The following MPRIP variants were observed in gnomAD, a reference collection of about 807,000 sequenced individuals.
MPRIP encodes the protein myosin phosphatase Rho interacting protein, also known as myosin phosphatase Rho-interacting protein.
MPRIP carries 59 observed loss-of-function variants against 234.9 expected under a neutral mutation model. The observed-to-expected ratio is 0.25, with a 90% confidence interval of 0.20 to 0.31. The LOEUF is 0.31. Among genes scored for constraint, MPRIP ranks in the 10% least tolerant of loss-of-function variants. The pLI, the probability that MPRIP is intolerant of heterozygous loss-of-function variation, is 1.00. For synonymous variants in MPRIP, 1,144 were observed against 1,263.9 expected (o/e 0.91, Z 2.01); for missense variants, 2,436 against 3,071.0 (o/e 0.79, Z 4.89).
In MPRIP at chr17:17,167,160, C is replaced by CT; in HGVS notation, c.5570dup (p.Glu1858ArgfsTer3). 1.5e-6 allele frequency: 2 copies of CT among 1,304,068 alleles called. No individual in the cohort carries two copies. The highest frequency in any genetic ancestry group is 2.0e-6 in the Non-Finnish European group (2 of 988,944). 80.8% of individuals were successfully genotyped at this position (1,304,068 alleles called of 1,614,324 possible). On this transcript the variant is annotated frameshift_variant, in exon 16 of 24. Coordinates refer to ENST00000651222, the MANE Select transcript of MPRIP (RefSeq NM_001364716.4). LOFTEE classifies it high-confidence loss of function. The surrounding 1 kb of genome is among the most constrained non-coding windows in gnomAD (Gnocchi z 5.9). ...TTGCTATGCGTCCTGCAGAATCCGG[C>CT]TAGAATATGAGAAGGAGCTCCAGCT...
rs201847219 is a variant in MPRIP at position 17,158,821 on chromosome 17, T to C, written c.2219T>C (p.Leu740Pro). The C allele has an allele frequency of 3.3e-4, 524 of 1,611,552 alleles. 1 individual carries two copies. The highest frequency in any genetic ancestry group is 4.3e-4 in the Non-Finnish European group (512 of 1,179,924). The change falls in exon 14 of 24, where the codon CTG (leucine) becomes CCG (proline). Residue 740 changes from leucine (L) to proline (P), a missense_variant. Leu to Pro is a moderately conservative substitution (Grantham distance 98). Around this residue, in one of 4 missense-constraint regions of MPRIP, gnomAD observed 1,998 missense variants for 2,520.3 expected, o/e 0.79. Coordinates refer to ENST00000651222, the MANE Select transcript of MPRIP (RefSeq NM_001364716.4). Reference protein sequence around the residue: ...LRMEVDRSPGLPMSDLKTHNV... With the variant: ...LRMEVDRSPGPPMSDLKTHNV... ...ATGGAGGTGGACCGGAGCCCAGGGC[T>C]GCCTATGAGCGACCTCAAAACGCAT...
Position 17,136,327 on chromosome 17 carries a change from C to A in MPRIP, c.613C>A (p.Gln205Lys). 1 of 1,613,248 alleles carries A rather than the reference C, an allele frequency of 6.2e-7. No individual in the cohort carries two copies. Among genetic ancestry groups the A allele is most frequent in the South Asian group, 1.1e-5 (1 of 90,942 alleles). ...KVPTTKSTLW[Q>K]EEMRTKDQPD... ...CCCCACCACCAAGTCCACACTCTGG[C>A]AGGAAGAAATGAGGACCAAGGACCA... The change falls in exon 6 of 24, where the codon CAG becomes AAG. Residue 205 changes from glutamine to lysine, a missense_variant. Coordinates refer to ENST00000651222, the MANE Select transcript of MPRIP (RefSeq NM_001364716.4).
intron 1 of MPRIP, among the ~76,000 whole-genome samples, chr17:17,051,983 A>AACCT (rs2088556852): frequency 6.6e-6 from 1 of 152,260 alleles, no homozygotes; most frequent in Non-Finnish European, 1.5e-5. Context: ...GGATCCTTTG[A>AACCT]ACCTCTACCT....
chr17:17,135,671 T>G (rs2090680951), intron 5 of MPRIP, among the ~76,000 whole-genome samples: 1 of 152,148 alleles, frequency 6.6e-6, no homozygotes, highest in Admixed American at 6.5e-5. Flanking sequence ...GCACTAATCC[T>G]GTACATGAGG....
At chr17:17,130,623 G>A (rs963380976) in intron 4 of MPRIP, among the ~76,000 whole-genome samples, 4 of 152,030 alleles carry the variant, frequency 2.6e-5, no homozygotes, top group Admixed American at 6.6e-5. Flanking sequence ...CAGGCCCAGC[G>A]TGGACCCTGG....
At position 17,137,898 on chromosome 17, in the gene MPRIP, T is replaced by C; in HGVS notation, c.737-18T>C. ...CAGCAGGCTGAGTGCGTCTCCTCCC[T>C]CCCACTGTCTCTTCCAGAGGAGAGC... On this transcript the variant is annotated intron_variant, in intron 6 of 23. Coordinates refer to ENST00000651222, the MANE Select transcript of MPRIP (RefSeq NM_001364716.4). The C allele has an allele frequency of 6.4e-7, 1 of 1,560,822 alleles. No individual in the cohort carries two copies. The highest frequency in any genetic ancestry group is 8.7e-7 in the Non-Finnish European group (1 of 1,154,468).
chr17:17,157,317 G>A (rs2045750264), intron 13 of MPRIP, among the ~76,000 whole-genome samples: 1 of 152,232 alleles, frequency 6.6e-6, no homozygotes, highest in Non-Finnish European at 1.5e-5. Context: ...AGCACCATGA[G>A]CACGACCTGC....
At chr17:17,180,225 A>C in intron 23 of MPRIP, 137 bp downstream of exon 23, 7 of 736,382 alleles carry the variant, frequency 9.5e-6, no homozygotes, top group East Asian at 2.7e-5. Context: ...GCCCGAGCTC[A>C]CCCTGCTGGG....
chr17:17,159,813 C>T (rs930671563), intron 14 of MPRIP, among the ~76,000 whole-genome samples: 3 of 152,158 alleles, frequency 2.0e-5, no homozygotes, highest in Non-Finnish European at 4.4e-5. Context: ...TGTTCTCTTA[C>T]GTAAGTAGCT....
At chr17:17,093,134 T>G (rs1451744835) in intron 3 of MPRIP, among the ~76,000 whole-genome samples, 1 of 152,192 alleles carries the variant, frequency 6.6e-6, no homozygotes, top group Non-Finnish European at 1.5e-5. Context: ...TTTTCCTGGC[T>G]GGGAAAAAAG....
intron 1 of MPRIP, among the ~76,000 whole-genome samples, chr17:17,046,034 T>C (rs1448635963): frequency 1.3e-5 from 2 of 152,196 alleles, no homozygotes; most frequent in Non-Finnish European, 2.9e-5. Context: ...CTTGATCTCC[T>C]GACCTCGTGA....
intron 1 of MPRIP, among the ~76,000 whole-genome samples, chr17:17,067,790 CT>C (rs35187618): frequency 0.056 from 4,280 of 76,716 alleles, 76 homozygotes; most frequent in Middle Eastern, 0.11. Context: ...CTTCTTCTTC[CT>C]TTTTTTTTTT....
chr17:17,058,627 C>A (rs1341652178), intron 1 of MPRIP, among the ~76,000 whole-genome samples: 3 of 152,158 alleles, frequency 2.0e-5, no homozygotes, highest in Non-Finnish European at 4.4e-5. Context: ...ACAGCCCCTC[C>A]TCCTGGCCTC....
At position 17,136,493 on chromosome 17, in the gene MPRIP, T is replaced by G. The variant is rs912196207; in HGVS notation, c.736+43T>G. 6 of 1,552,208 alleles carry G rather than the reference T, an allele frequency of 3.9e-6. No individual in the cohort carries two copies. The African/African-American group carries it at 5.4e-5, about 14-fold the overall frequency. ...TGGCTTGTATGCACGGGAATGGCCC[T>G]CCCTCCCATCAGAGCTGGCCCTGGG... On this transcript the variant is annotated intron_variant, in intron 6 of 23. Coordinates refer to ENST00000651222, the MANE Select transcript of MPRIP (RefSeq NM_001364716.4).
At chr17:17,127,534 C>A (rs1048925145) in intron 4 of MPRIP, among the ~76,000 whole-genome samples, 1 of 152,248 alleles carries the variant, frequency 6.6e-6, no homozygotes, top group African/African-American at 2.4e-5. Context: ...GCAGGGAATT[C>A]TTTGCTACCC....
intron 3 of MPRIP, among the ~76,000 whole-genome samples, chr17:17,081,296 A>G (rs1173446676): frequency 6.6e-6 from 1 of 152,152 alleles, no homozygotes; most frequent in African/African-American, 2.4e-5. Context: ...ATTGTCTAGC[A>G]TGGGGTTTGG....
intron 3 of MPRIP, among the ~76,000 whole-genome samples, chr17:17,093,274 C>T (rs569536934): frequency 2.6e-5 from 4 of 152,226 alleles, no homozygotes; most frequent in Non-Finnish European, 5.9e-5. Context: ...CATGAACTCT[C>T]CTGCATTGGA....
intron 5 of MPRIP, among the ~76,000 whole-genome samples, chr17:17,132,795 A>T (rs2090623399): frequency 6.6e-6 from 1 of 152,244 alleles, no homozygotes. Context: ...TGGAAAGGAG[A>T]TGTCGCTAGC....
intron 3 of MPRIP, among the ~76,000 whole-genome samples, chr17:17,108,058 C>A (rs1052172921): frequency 1.3e-5 from 2 of 152,232 alleles, no homozygotes; most frequent in African/African-American, 4.8e-5. Context: ...ACCACCTCTC[C>A]CTTTTTCCCA....
Sources: gnomAD v4.1 joint callset for allele counts (sites outside exome capture counted in the v4.1 genomes callset) on GRCh38, gnomAD v4.1.1 for gene constraint, gnomAD v4.1.1 regional missense constraint, Gnocchi (gnomAD v3.1) non-coding constraint, MANE v1.5 for transcripts, NCBI Gene and HGNC (gene_info 2026-07-23, HGNC 2026-07-21) for gene names.